The following WWOX variants were observed in gnomAD, a reference collection of about 807,000 sequenced individuals.
WWOX encodes WW domain-containing oxidoreductase.
A neutral mutation model predicts 46.2 loss-of-function variants in WWOX; 69 were observed. The observed-to-expected ratio is 1.49, with a 90% confidence interval of 1.23 to 1.82. The LOEUF is 1.82. Among genes scored for constraint, WWOX ranks in the 40% most tolerant of loss-of-function variants. The probability of loss-of-function intolerance (pLI) is 0.00; values close to 1 mark genes in which losing one functional copy is unlikely to be tolerated. For missense variants in WWOX, 919 were observed against 542.6 expected (o/e 1.69, Z -6.89); for synonymous variants, 359 against 202.6 (o/e 1.77, Z -6.56).
chr16:79,130,595 T>C (rs1447364731), intron 8 of WWOX, among the ~76,000 whole-genome samples: 2 of 152,298 alleles, frequency 1.3e-5, no homozygotes, highest in African/African-American at 2.4e-5. Flanking sequence ...TCCAGGGACA[T>C]TGAGGTTGCC....
At chr16:78,844,656 A>G (rs1246486949) in intron 8 of WWOX, among the ~76,000 whole-genome samples, 3 of 152,366 alleles carry the variant, frequency 2.0e-5, no homozygotes, top group Middle Eastern at 3.4e-3. Context: ...TGCAATTAAT[A>G]TCCTCAAATT....
intron 5 of WWOX, among the ~76,000 whole-genome samples, chr16:78,203,665 T>C (rs1342031996): frequency 6.6e-6 from 1 of 152,094 alleles, no homozygotes; most frequent in Non-Finnish European, 1.5e-5. Context: ...GGAGGAGAAC[T>C]GGGGAGGAAT....
intron 8 of WWOX, among the ~76,000 whole-genome samples, chr16:78,486,913 G>A (rs2084652299): frequency 6.6e-6 from 1 of 152,196 alleles, no homozygotes; most frequent in Non-Finnish European, 1.5e-5. Flanking sequence ...TTCGGGTGAA[G>A]TTGATGATCT....
chr16:78,351,959 A>G (rs2081193598), intron 5 of WWOX, among the ~76,000 whole-genome samples: 1 of 152,154 alleles, frequency 6.6e-6, no homozygotes, highest in African/African-American at 2.4e-5. Flanking sequence ...GCCCAGCAGT[A>G]TGTTTGTTTT....
intron 8 of WWOX, among the ~76,000 whole-genome samples, chr16:79,209,758 C>T (rs1262213453): frequency 6.6e-6 from 1 of 152,210 alleles, no homozygotes; most frequent in Non-Finnish European, 1.5e-5. Context: ...TTTAGAGGCA[C>T]TTCTGCTTCC....
chr16:78,310,038 T>A (rs1345066936), intron 5 of WWOX, among the ~76,000 whole-genome samples: 2 of 151,680 alleles, frequency 1.3e-5, no homozygotes, highest in East Asian at 1.9e-4. Context: ...ATTGTCATTA[T>A]CTTCCCTTCC....
At chr16:79,193,656 C>T (rs1202867711) in intron 8 of WWOX, among the ~76,000 whole-genome samples, 1 of 152,198 alleles carries the variant, frequency 6.6e-6, no homozygotes, top group Non-Finnish European at 1.5e-5. Context: ...TCTTTTCTTA[C>T]TGCCGGTCAC....
chr16:78,356,769 C>T (rs773280064), intron 5 of WWOX, among the ~76,000 whole-genome samples: 35 of 152,016 alleles, frequency 2.3e-4, no homozygotes, highest in African/African-American at 7.7e-4. Flanking sequence ...GTAATCCCAG[C>T]GACTCGGGAG....
intron 8 of WWOX, among the ~76,000 whole-genome samples, chr16:79,013,159 C>T (rs2047345943): frequency 6.6e-6 from 1 of 152,190 alleles, no homozygotes; most frequent in Admixed American, 6.5e-5. Context: ...GGTCTGAAAG[C>T]TGCCACTTGC....
At position 78,542,863 on chromosome 16, in the gene WWOX, C is replaced by G. The variant is rs111654820; in HGVS notation, c.1056+110111C>G. Among the ~76,000 whole-genome samples the G allele has an allele frequency of 2.8e-4, 43 of 152,266 alleles. 1 individual carries two copies. The highest frequency in any genetic ancestry group is 9.6e-4 in the African/African-American group (40 of 41,560). ...GGATTCTCAGTTAAAACCCAAACGACGGGCCTGGGGGTTGTCACAATGTGA... is the reference window on the plus strand; with the variant it reads ...GGATTCTCAGTTAAAACCCAAACGAGGGGCCTGGGGGTTGTCACAATGTGA... On this transcript the variant is annotated intron_variant, in intron 8 of 8. Transcript: ENST00000566780.
chr16:78,101,435 A>G (rs913770463), intron 1 of WWOX, among the ~76,000 whole-genome samples: 25 of 140,686 alleles, frequency 1.8e-4, no homozygotes, highest in Admixed American at 3.0e-4. Flanking sequence ...CAACCTCTGC[A>G]TGCCGAGTTC....
At chr16:79,008,254 T>C (rs1193962270) in intron 8 of WWOX, among the ~76,000 whole-genome samples, 1 of 152,196 alleles carries the variant, frequency 6.6e-6, no homozygotes, top group Non-Finnish European at 1.5e-5. Context: ...TGTTGGCTTC[T>C]TCAAGACTGA....
At chr16:78,693,645 G>A (rs1057058281) in intron 8 of WWOX, among the ~76,000 whole-genome samples, 1 of 152,178 alleles carries the variant, frequency 6.6e-6, no homozygotes. Flanking sequence ...GACATTGTTG[G>A]TTGTGGTGCG....
chr16:78,318,361 T>C (rs2080396593), intron 5 of WWOX, among the ~76,000 whole-genome samples: 1 of 146,314 alleles, frequency 6.8e-6, no homozygotes, highest in South Asian at 2.2e-4. Flanking sequence ...GAGGAGAAAA[T>C]GTATAAAGGA....
intron 8 of WWOX, among the ~76,000 whole-genome samples, chr16:78,622,595 A>C (rs2046216457): frequency 6.6e-6 from 1 of 151,398 alleles, no homozygotes; most frequent in South Asian, 2.1e-4. Flanking sequence ...TGACAGATGG[A>C]CCCTAAGACG....
At chr16:78,409,032 T>G (rs1014978725) in intron 6 of WWOX, among the ~76,000 whole-genome samples, 1 of 152,198 alleles carries the variant, frequency 6.6e-6, no homozygotes, top group African/African-American at 2.4e-5. Flanking sequence ...TGCCACGTTA[T>G]AAGGCTGCTG....
intron 8 of WWOX, among the ~76,000 whole-genome samples, chr16:78,987,942 G>C (rs1174085313): frequency 6.6e-6 from 1 of 152,122 alleles, no homozygotes; most frequent in Non-Finnish European, 1.5e-5. Context: ...GGTAGTCCCA[G>C]TGGGAAAGAG....
At chr16:79,015,632 C>A (rs371378285) in intron 8 of WWOX, among the ~76,000 whole-genome samples, 4 of 152,172 alleles carry the variant, frequency 2.6e-5, no homozygotes, top group Non-Finnish European at 4.4e-5. Flanking sequence ...TGGAAGCACA[C>A]CACTGTGGGA....
At chr16:78,123,440 G>GTTTTGTTTTGTTTTTTTTTT (rs1567584444) in intron 4 of WWOX, 16 of 50,480 alleles carry the variant, frequency 3.2e-4, no homozygotes, top group Admixed American at 1.7e-3. Flanking sequence ...TTTTTGTTTT[G>GTTTTGTTTTGTTTTTTTTTT]TTTTTTTTTT....
Sources: allele counts gnomAD v4.1 joint callset (sites outside exome capture counted in the v4.1 genomes callset), GRCh38; gene constraint gnomAD v4.1.1; transcripts MANE v1.5; gene names NCBI Gene and HGNC (gene_info 2026-07-23, HGNC 2026-07-21).